Variants in ROR2 observed in about 807,000 individuals in gnomAD.
ROR2 encodes the protein ROR family WNT receptor 2, also known as tyrosine-protein kinase transmembrane receptor ROR2.
In ROR2, 33 loss-of-function variants were observed where a neutral mutation model predicts 74.9. The ratio of observed to expected loss-of-function variants is 0.44; its 90% CI spans 0.33 to 0.59. The LOEUF is 0.59. Ranked by LOEUF, ROR2 falls within the 20% of genes least tolerant of loss-of-function variation. The pLI is 0.02. For synonymous variants in ROR2, 586 were observed against 558.7 expected, an observed-to-expected ratio of 1.05 and a Z score of -0.69; for missense variants, 1,216 against 1,313.8, an observed-to-expected ratio of 0.93 and a Z score of 1.15.
chr9:91,775,142 G>A (rs1320007034), intron 2 of ROR2, among the ~76,000 whole-genome samples: 1 of 152,228 alleles, frequency 6.6e-6, no homozygotes, highest in East Asian at 1.9e-4. Flanking sequence ...CAGCTTCCTG[G>A]TCTGTGGTGC....
chr9:91,935,805 A>T (rs1313471779), intron 1 of ROR2, among the ~76,000 whole-genome samples: 2 of 152,192 alleles, frequency 1.3e-5, no homozygotes, highest in Non-Finnish European at 2.9e-5. Context: ...ACTCTTCTCC[A>T]GGCCAATAGC....
chr9:91,740,556 G>GGT (rs1213658425), intron 4 of ROR2, among the ~76,000 whole-genome samples: 6 of 142,086 alleles, frequency 4.2e-5, no homozygotes, highest in African/African-American at 1.8e-4. Flanking sequence ...TGTTTCGGGC[G>GGT]GGGGGGGGAA....
intron 1 of ROR2, among the ~76,000 whole-genome samples, chr9:91,947,154 T>C (rs1007191486): frequency 2.1e-4 from 32 of 152,222 alleles, no homozygotes; most frequent in Non-Finnish European, 3.7e-4. Flanking sequence ...CACCAAAAAC[T>C]ACCCCTGGAA....
chr9:91,891,704 C>T (rs568405796), intron 1 of ROR2, among the ~76,000 whole-genome samples: 7 of 152,302 alleles, frequency 4.6e-5, no homozygotes, highest in Admixed American at 1.3e-4. Context: ...CAGCCCCTCT[C>T]GGCTCCTGGA....
At chr9:91,805,751 G>A (rs760208886) in intron 1 of ROR2, among the ~76,000 whole-genome samples, 15 of 152,144 alleles carry the variant, frequency 9.9e-5, no homozygotes, top group Non-Finnish European at 7.3e-5. Flanking sequence ...ACCCAACGCC[G>A]AGGGGTGAAT....
intron 1 of ROR2, among the ~76,000 whole-genome samples, chr9:91,777,447 A>G (rs1313289787): frequency 6.6e-6 from 1 of 152,090 alleles, no homozygotes; most frequent in Non-Finnish European, 1.5e-5. Context: ...TGTTATTATT[A>G]GTTATCTGGA....
intron 1 of ROR2, among the ~76,000 whole-genome samples, chr9:91,857,213 G>A (rs1829319620): frequency 6.6e-6 from 1 of 152,192 alleles, no homozygotes; most frequent in Admixed American, 6.5e-5. Flanking sequence ...CAACTACACA[G>A]GTCTAACCAT....
chr9:91,808,760 C>T (rs1385307929), intron 1 of ROR2, among the ~76,000 whole-genome samples: 1 of 152,056 alleles, frequency 6.6e-6, no homozygotes, highest in Non-Finnish European at 1.5e-5. Flanking sequence ...AGATCGAGAC[C>T]ATCCTGGCTA....
At chr9:91,729,376 C>T (rs940977049) in intron 7 of ROR2, among the ~76,000 whole-genome samples, 1 of 152,222 alleles carries the variant, frequency 6.6e-6, no homozygotes, top group Non-Finnish European at 1.5e-5. Context: ...GTGCCTAGAC[C>T]GCAATTTGAA....
intron 1 of ROR2, among the ~76,000 whole-genome samples, chr9:91,804,387 G>T (rs1827484070): frequency 3.3e-5 from 5 of 152,168 alleles, no homozygotes; most frequent in Admixed American, 3.3e-4. Context: ...AGCTGCCAAG[G>T]CCACAAAGCC....
intron 1 of ROR2, among the ~76,000 whole-genome samples, chr9:91,777,072 C>A (rs1411964687): frequency 6.6e-6 from 1 of 152,152 alleles, no homozygotes; most frequent in East Asian, 1.9e-4. Flanking sequence ...ATCTTTAGAA[C>A]TGACACTTTA....
intron 1 of ROR2, among the ~76,000 whole-genome samples, chr9:91,816,549 C>T (rs1010981500): frequency 2.0e-5 from 3 of 152,142 alleles, no homozygotes; most frequent in Non-Finnish European, 2.9e-5. Flanking sequence ...GACCTGATCT[C>T]CTTGCAGAAG....
chr9:91,740,576 GTA>G (rs530880348), intron 4 of ROR2, among the ~76,000 whole-genome samples: 17 of 147,020 alleles, frequency 1.2e-4, no homozygotes, highest in Non-Finnish European at 1.2e-4. Context: ...ATATATATAT[GTA>G]TATATATATA....
chr9:91,822,365 C>G (rs973123817), intron 1 of ROR2, among the ~76,000 whole-genome samples: 2 of 152,142 alleles, frequency 1.3e-5, no homozygotes, highest in South Asian at 2.1e-4. Context: ...ACAAGGTGAG[C>G]TGGGGTACCT....
At chr9:91,938,230 G>A (rs1323780065) in intron 1 of ROR2, among the ~76,000 whole-genome samples, 1 of 152,206 alleles carries the variant, frequency 6.6e-6, no homozygotes, top group Non-Finnish European at 1.5e-5. Context: ...AGGCCAAAGT[G>A]GAGGGATCTC....
In ROR2 at chr9:91,864,513, G is replaced by C. The variant is rs142477070; in HGVS notation, c.97+85354C>G. Among the ~76,000 whole-genome samples, 393 of 152,326 alleles carry C rather than the reference G, an allele frequency of 2.6e-3. 1 individual carries two copies. The highest frequency in any genetic ancestry group is 8.9e-3 in the African/African-American group (368 of 41,562). On this transcript the variant is annotated intron_variant, in intron 1 of 8. Transcript: ENST00000375708. Reference sequence around the variant, plus strand: ...TCTTAATTATGACTTAAACACATTAGGATTTTCTTGCCAAATTTTGCAGAG... The same window carrying C: ...TCTTAATTATGACTTAAACACATTACGATTTTCTTGCCAAATTTTGCAGAG...
intron 1 of ROR2, among the ~76,000 whole-genome samples, chr9:91,936,787 T>C (rs1463797061): frequency 1.3e-5 from 2 of 151,890 alleles, no homozygotes; most frequent in African/African-American, 2.4e-5. Flanking sequence ...TCCCAGCACT[T>C]TGGGAGGCCG....
intron 1 of ROR2, among the ~76,000 whole-genome samples, chr9:91,906,733 G>A (rs1053457705): frequency 1.3e-5 from 2 of 152,002 alleles, no homozygotes; most frequent in Admixed American, 6.6e-5. Flanking sequence ...TTTTAGAAAC[G>A]TTTTGGTTTG....
Position 91,726,560 on chromosome 9 carries a change from A to G in ROR2, c.1367T>C (p.Leu456Pro). Residue 456 changes from leucine (L) to proline (P), a missense_variant, in exon 8 of 9, where the codon CTC becomes CCC. Leu to Pro is a moderately conservative substitution (Grantham distance 98). Coordinates refer to ENST00000375708, the MANE Select transcript of ROR2 (RefSeq NM_004560.4). ...ASPSQDMEMPLINQHKQAKLK... is the reference protein window; with the variant it reads ...ASPSQDMEMPPINQHKQAKLK... ...GGAGACCTGTTTGTGCTGGTTAATG[A>G]GGGGCATTTCCATGTCTTGGCTGGG... 1 of 1,612,640 alleles carries G rather than the reference A, an allele frequency of 6.2e-7. No individual in the cohort carries two copies. Among genetic ancestry groups the G allele is most frequent in the Non-Finnish European group, 8.5e-7 (1 of 1,180,020 alleles).
Sources: allele counts gnomAD v4.1 joint callset (sites outside exome capture counted in the v4.1 genomes callset), GRCh38; gene constraint gnomAD v4.1.1; transcripts MANE v1.5; gene names NCBI Gene and HGNC (gene_info 2026-07-23, HGNC 2026-07-21).